Variants in FBLN5 observed in about 807,000 individuals in gnomAD.
The protein encoded by FBLN5 is fibulin 5.
Under a neutral mutation model 61.6 loss-of-function variants are expected in FBLN5, and 24 were observed. That is an observed-to-expected ratio of 0.39 (90% CI 0.28 to 0.55). FBLN5 has a LOEUF of 0.55. Ranked by LOEUF, FBLN5 falls within the 20% of genes least tolerant of loss-of-function variation. The probability of loss-of-function intolerance (pLI) is 0.65; values close to 1 mark genes in which losing one functional copy is unlikely to be tolerated. For missense variants in FBLN5, 470 were observed against 594.1 expected (o/e 0.79, Z 2.17); for synonymous variants, 213 against 219.8 (o/e 0.97, Z 0.27).
At chr14:91,908,251 C>T (rs1890767760) in intron 4 of FBLN5, among the ~76,000 whole-genome samples, 1 of 152,214 alleles carries the variant, frequency 6.6e-6, no homozygotes, top group Admixed American at 6.5e-5. Flanking sequence ...ATCAGGCTTC[C>T]TTCTCTTTTA....
intron 5 of FBLN5, among the ~76,000 whole-genome samples, chr14:91,894,153 C>T (rs543573134): frequency 6.6e-6 from 1 of 152,122 alleles, no homozygotes; most frequent in South Asian, 2.1e-4. Context: ...AATCTCAGCA[C>T]TTTGGGAGGC....
intron 4 of FBLN5, among the ~76,000 whole-genome samples, chr14:91,911,891 G>A (rs1346829619): frequency 2.0e-5 from 3 of 151,970 alleles, no homozygotes; most frequent in Admixed American, 2.0e-4. Flanking sequence ...TTAGCAAGTA[G>A]GAAGAAAACT....
chr14:91,886,788 C>A (rs2139967976), intron 7 of FBLN5, among the ~76,000 whole-genome samples: 1 of 152,310 alleles, frequency 6.6e-6, no homozygotes, highest in South Asian at 2.1e-4. Flanking sequence ...CCCAACCCTA[C>A]CCGATAAGAC....
At chr14:91,919,165 T>C (rs946997211) in intron 4 of FBLN5, among the ~76,000 whole-genome samples, 1 of 151,894 alleles carries the variant, frequency 6.6e-6, no homozygotes, top group African/African-American at 2.4e-5. Context: ...ACCCTGCCTC[T>C]AGTAAAAATA....
intron 6 of FBLN5, among the ~76,000 whole-genome samples, chr14:91,887,617 C>A (rs969637421): frequency 6.6e-6 from 1 of 152,024 alleles, no homozygotes; most frequent in African/African-American, 2.4e-5. Flanking sequence ...CTCCAACGCA[C>A]CCCCCCAACC....
chr14:91,886,976 A>G (rs1889754814), intron 7 of FBLN5, among the ~76,000 whole-genome samples: 1 of 152,126 alleles, frequency 6.6e-6, no homozygotes, highest in Non-Finnish European at 1.5e-5. Flanking sequence ...TTTTGCATCA[A>G]GGGTCAGATG....
At chr14:91,875,195 G>T (rs1182800972) in intron 10 of FBLN5, among the ~76,000 whole-genome samples, 1 of 152,132 alleles carries the variant, frequency 6.6e-6, no homozygotes, top group Non-Finnish European at 1.5e-5. Context: ...TTCAAAAAAA[G>T]AAAAACTGTT....
At chr14:91,945,101 G>A (rs752475845) in intron 1 of FBLN5, among the ~76,000 whole-genome samples, 4 of 152,038 alleles carry the variant, frequency 2.6e-5, no homozygotes, top group Non-Finnish European at 5.9e-5. Flanking sequence ...TGTGGTGGCA[G>A]GCGCCTGTAG....
At chr14:91,887,146 C>T in intron 7 of FBLN5, 47 bp downstream of exon 7, 1 of 1,611,026 alleles carries the variant, frequency 6.2e-7, no homozygotes, top group Non-Finnish European at 8.5e-7. Flanking sequence ...CAACCCCTGC[C>T]CAGGCCCCAA....
At chr14:91,875,235 TGCAGAAAGTG>T (rs1889113054) in intron 10 of FBLN5, among the ~76,000 whole-genome samples, 1 of 152,168 alleles carries the variant, frequency 6.6e-6, no homozygotes, top group Non-Finnish European at 1.5e-5. Context: ...AGTTCAAGGA[TGCAGAAAGTG>T]GTACCAGACT....
intron 4 of FBLN5, among the ~76,000 whole-genome samples, chr14:91,899,342 G>A (rs1890362584): frequency 6.6e-6 from 1 of 152,214 alleles, no homozygotes; most frequent in Non-Finnish European, 1.5e-5. Flanking sequence ...ACCATAGCTT[G>A]GCTCCCCACA....
At chr14:91,878,537 G>A (rs1351782395) in intron 9 of FBLN5, among the ~76,000 whole-genome samples, 1 of 152,084 alleles carries the variant, frequency 6.6e-6, no homozygotes. Context: ...AACGCTAGGA[G>A]TCAACCTTGC....
intron 7 of FBLN5, among the ~76,000 whole-genome samples, chr14:91,885,409 C>G (rs1410093994): frequency 3.9e-5 from 6 of 152,130 alleles, no homozygotes; most frequent in African/African-American, 7.2e-5. Flanking sequence ...CAAAAAAAAC[C>G]TCCTTGAAAG....
chr14:91,943,349 A>AT lies in FBLN5; in HGVS notation c.18-389dup, dbSNP rs1350422789. 5.3e-5 allele frequency among the ~76,000 whole-genome samples: 8 copies of AT among 151,974 alleles called. No individual in the cohort carries two copies. The highest frequency in any genetic ancestry group is 4.6e-4 in the Admixed American group (7 of 15,256). On this transcript the variant is annotated intron_variant, in intron 1 of 10. Transcript: ENST00000342058. This position sits in a 1 kb window ranked among gnomAD's most constrained non-coding sequence, Gnocchi z 4.0. ...CATGGTGAAACCCCATTTCTACAAA[A>AT]TTAAAAAAAAAATTAACTGGGCATG... is the stretch of plus-strand genomic sequence containing the variant.
chr14:91,898,214 G>T lies in FBLN5; in HGVS notation c.380-3142C>A, dbSNP rs567365869. 1.6e-4 allele frequency among the ~76,000 whole-genome samples: 24 copies of T among 151,930 alleles called. 1 individual carries two copies. The South Asian group carries it at 4.8e-3, about 30-fold the overall frequency. On this transcript the variant is annotated intron_variant, in intron 4 of 10. Coordinates refer to ENST00000342058, the MANE Select transcript of FBLN5 (RefSeq NM_006329.4). The stretch of plus-strand genomic sequence containing the variant: ...AAGTCCCTGAAGTTTTTTTTGGCGG[G>T]GGGGGCGGAATCTCTCACCTTTATA...
intron 6 of FBLN5, among the ~76,000 whole-genome samples, chr14:91,888,507 G>A (rs1172763991): frequency 1.3e-5 from 2 of 151,524 alleles, no homozygotes; most frequent in East Asian, 3.9e-4. Context: ...TACTTGGGAG[G>A]CTGAGACAAG....
chr14:91,898,312 A>C (rs1485205281), intron 4 of FBLN5, among the ~76,000 whole-genome samples: 1 of 152,028 alleles, frequency 6.6e-6, no homozygotes, highest in African/African-American at 2.4e-5. Context: ...TGAACACATG[A>C]ACGGCAAACA....
At chr14:91,919,766 T>C (rs1268957626) in intron 4 of FBLN5, among the ~76,000 whole-genome samples, 1 of 152,130 alleles carries the variant, frequency 6.6e-6, no homozygotes, top group Non-Finnish European at 1.5e-5. Flanking sequence ...AAGGAACAGA[T>C]CCTTCCCTTG....
At chr14:91,931,893 C>G (rs915799669) in intron 4 of FBLN5, among the ~76,000 whole-genome samples, 1 of 152,202 alleles carries the variant, frequency 6.6e-6, no homozygotes, top group Non-Finnish European at 1.5e-5. Flanking sequence ...CCCAGCCACT[C>G]GGCACCAGCT....
Sources: allele counts gnomAD v4.1 joint callset (sites outside exome capture counted in the v4.1 genomes callset), GRCh38; gene constraint gnomAD v4.1.1; non-coding constraint Gnocchi (gnomAD v3.1); transcripts MANE v1.5; gene names NCBI Gene and HGNC (gene_info 2026-07-23, HGNC 2026-07-21).